The following GPSM1 variants were observed in gnomAD, a reference collection of about 807,000 sequenced individuals.
GPSM1 encodes the protein G protein-signaling modulator 1.
GPSM1 carries 48 observed loss-of-function variants against 70.5 expected under a neutral mutation model. The ratio of observed to expected loss-of-function variants is 0.68; its 90% CI spans 0.54 to 0.87. The LOEUF is 0.87. Ranked by LOEUF, GPSM1 falls within the 40% of genes least tolerant of loss-of-function variation. The pLI is 0.00. For synonymous variants in GPSM1, 416 were observed against 430.1 expected (o/e 0.97, Z 0.41); for missense variants, 981 against 972.6 (o/e 1.01, Z -0.11).
In GPSM1 at chr9:136,356,552, T is replaced by C; in HGVS notation, c.1821+2T>C. ...TTCAACATGCTCATCAAGTACCAGG[T>C]GGGCTGCGGCCCTGGGCGGGCGTGG... On this transcript the variant is annotated splice_donor_variant, in intron 13 of 13. Transcript: ENST00000440944. LOFTEE classifies it high-confidence loss of function. The C allele has an allele frequency of 6.2e-7, 1 of 1,608,064 alleles. No individual in the cohort carries two copies.
chr9:136,335,973 G>A lies in GPSM1; in HGVS notation c.298G>A (p.Gly100Ser), dbSNP rs782782900. ...CTCCTCCCTGCCATCCAGGACCATC[G>A]GTGACCGCATGGGGGAGGCCAAGGC... is the stretch of plus-strand genomic sequence containing the variant. ...KHDLLLARTI[G>S]DRMGEAKASG... The change falls in exon 3 of 14, where the codon GGT becomes AGT. Residue 100 changes from glycine (G) to serine (S), a missense_variant. Physicochemically the swap from Gly to Ser is moderately conservative, Grantham distance 56. Transcript: ENST00000440944. The A allele has an allele frequency of 8.7e-6, 14 of 1,612,260 alleles. No homozygotes were observed. Among genetic ancestry groups the A allele is most frequent in the East Asian group, 6.7e-5 (3 of 44,892 alleles).
Position 136,337,489 on chromosome 9 carries a change from C to T in GPSM1, c.627C>T (p.Gly209=). The T allele has an allele frequency of 1.9e-6, 3 of 1,565,854 alleles. No individual in the cohort carries two copies. The highest frequency in any genetic ancestry group is 1.7e-6 in the Non-Finnish European group (2 of 1,155,326). Residue 209 remains glycine (G), a synonymous_variant, in exon 5 of 14, where the codon GGC becomes GGT. Coordinates refer to ENST00000440944, the MANE Select transcript of GPSM1 (RefSeq NM_001145638.3). ...AGCTGGGCGACCGTGCGGCGCAGGG[C>T]AGGGCCTACGGCAACCTGGGCAACA... ...VKELGDRAAQ[G]RAYGNLGNTH...
chr9:136,348,755 C>T lies in GPSM1; in HGVS notation c.1266C>T (p.Leu422=). 4 of 1,610,986 alleles carry T rather than the reference C, an allele frequency of 2.5e-6. No homozygotes were observed. The highest frequency in any genetic ancestry group is 3.4e-6 in the Non-Finnish European group (4 of 1,178,524). ...LSAETWDLLR[L]PLEREQNGDS... ...CGGAGACCTGGGACCTGCTGAGACTCCCCCTGGAGCGGGTGAGCCAGGGAC... is the reference window on the plus strand; with the variant it reads ...CGGAGACCTGGGACCTGCTGAGACTTCCCCTGGAGCGGGTGAGCCAGGGAC... The change falls in exon 10 of 14, where the codon CTC becomes CTT. Residue 422 remains leucine, a synonymous_variant. Coordinates refer to ENST00000440944, the MANE Select transcript of GPSM1 (RefSeq NM_001145638.3).
intron 11 of GPSM1, among the ~76,000 whole-genome samples, chr9:136,354,141 T>C (rs955586596): frequency 6.6e-6 from 1 of 152,000 alleles, no homozygotes; most frequent in Admixed American, 6.5e-5. Context: ...GGGGACTGAC[T>C]CCAGGGGCCA....
chr9:136,337,242 G>A (rs1554769422), intron 4 of GPSM1, among the ~76,000 whole-genome samples, 170 bp downstream of exon 4: 2 of 152,220 alleles, frequency 1.3e-5, no homozygotes, highest in South Asian at 2.1e-4. Context: ...CCTCCCCTGA[G>A]CTTGCCCCTG....
chr9:136,357,757 C>T (rs1405465346), intron 13 of GPSM1, among the ~76,000 whole-genome samples: 1 of 152,248 alleles, frequency 6.6e-6, no homozygotes, highest in Non-Finnish European at 1.5e-5. Context: ...CAGTGGGAAT[C>T]GCTGGACCTG....
intron 1 of GPSM1, among the ~76,000 whole-genome samples, chr9:136,332,456 A>C (rs1050860320): frequency 3.3e-5 from 5 of 152,214 alleles, no homozygotes; most frequent in African/African-American, 1.2e-4. Context: ...CCATCATCAG[A>C]TCTGCGGAGC....
chr9:136,337,006 C>T lies in GPSM1; in HGVS notation c.512C>T (p.Thr171Met), dbSNP rs532206618. Reference protein sequence around the residue: ...KQLSWNAANATQDPGHLPPDV... With the variant: ...KQLSWNAANAMQDPGHLPPDV... ...CTGTCCTGGAACGCCGCAAACGCCACGCAGGACCCCGGGCACCTGCCGCCC... is the reference window on the plus strand; with the variant it reads ...CTGTCCTGGAACGCCGCAAACGCCATGCAGGACCCCGGGCACCTGCCGCCC... The change falls in exon 4 of 14, where the codon ACG becomes ATG. Residue 171 changes from threonine (T) to methionine (M), a missense_variant. Thr to Met is a moderately conservative substitution (Grantham distance 81, BLOSUM62 -1). Transcript: ENST00000440944. 9.7e-6 allele frequency: 15 copies of T among 1,552,678 alleles called. No homozygotes were observed. The highest frequency in any genetic ancestry group is 2.7e-5 in the African/African-American group (2 of 73,292).
rs964823342 is a variant in GPSM1, at chr9:136,343,229, C to T, written c.1207+2236C>T. 1.3e-5 allele frequency among the ~76,000 whole-genome samples: 2 copies of T among 152,288 alleles called. No individual in the cohort carries two copies. The highest frequency in any genetic ancestry group is 2.9e-5 in the Non-Finnish European group (2 of 68,016). Reference sequence around the variant, plus strand: ...CCTCCCTGGCCAGAGGGCACAGGCCCGGGCCTCCCACACTTGCTCCTGGGC... The same window carrying T: ...CCTCCCTGGCCAGAGGGCACAGGCCTGGGCCTCCCACACTTGCTCCTGGGC... On this transcript the variant is annotated intron_variant, in intron 9 of 13. Coordinates refer to ENST00000440944, the MANE Select transcript of GPSM1 (RefSeq NM_001145638.3). The surrounding 1 kb of genome is among the most constrained non-coding windows in gnomAD (Gnocchi z 6.0).
chr9:136,352,135 C>T (rs1462620381), intron 11 of GPSM1, among the ~76,000 whole-genome samples: 2 of 145,172 alleles, frequency 1.4e-5, no homozygotes, highest in Non-Finnish European at 3.1e-5. Context: ...CTGTTGGTGA[C>T]ACCAATGCTG....
In GPSM1 at chr9:136,341,020, T is replaced by G; in HGVS notation, c.1207+27T>G. ...TGAGTTCCAGGGTTGTGGGGGGGTC[T>G]TGCTCCCCACAGGCACGGACCGCAT... On this transcript the variant is annotated intron_variant, in intron 9 of 13. Transcript: ENST00000440944. The surrounding 1 kb of genome is among the most constrained non-coding windows in gnomAD (Gnocchi z 6.7). 2 of 1,561,574 alleles carry G rather than the reference T, an allele frequency of 1.3e-6. No homozygotes were observed. Among genetic ancestry groups the G allele is most frequent in the South Asian group, 1.2e-5 (1 of 84,956 alleles).
intron 11 of GPSM1, among the ~76,000 whole-genome samples, chr9:136,350,730 A>AAGC (rs1208912323): frequency 6.6e-6 from 1 of 152,208 alleles, no homozygotes. Context: ...ACAGCCCAGC[A>AAGC]AGCAGCAGCA....
chr9:136,341,368 G>T lies in GPSM1; in HGVS notation c.1207+375G>T. On this transcript the variant is annotated intron_variant, in intron 9 of 13. Transcript: ENST00000440944. The surrounding 1 kb of genome is among the most constrained non-coding windows in gnomAD (Gnocchi z 6.7). ...GGAGGCGAGAGGGCATCAGCCAGAG[G>T]GCTGGGCTGGGCTGGGCTGGGCTGG... 1 of 473,720 alleles carries T rather than the reference G, an allele frequency of 2.1e-6. No homozygotes were observed. Among genetic ancestry groups the T allele is most frequent in the Middle Eastern group, 6.1e-4 (1 of 1,628 alleles). The allele number at this position is 473,720 out of a possible 1,614,324, so 29.3% of individuals were successfully genotyped here.
chr9:136,349,031 C>A (rs1333028367), intron 10 of GPSM1, among the ~76,000 whole-genome samples: 1 of 152,260 alleles, frequency 6.6e-6, no homozygotes, highest in African/African-American at 2.4e-5. Flanking sequence ...TGCCACCACA[C>A]CCTCGGGAGC....
rs1564349546 is a variant in GPSM1 at position 136,344,153 on chromosome 9, TGCGGACAGGATCGGGGGGAGGC to T, written c.1207+3171_1207+3192del. ...GAGGTGCGGACAGGAACGGGGGAGG[TGCGGACAGGATCGGGGGGAGGC>T]GCGGACAGGAGCGGGGGGAGGCGCG... On this transcript the variant is annotated intron_variant, in intron 9 of 13. Coordinates refer to ENST00000440944, the MANE Select transcript of GPSM1 (RefSeq NM_001145638.3). 8.3e-5 allele frequency among the ~76,000 whole-genome samples: 6 copies of T among 72,210 alleles called. No individual in the cohort carries two copies. The South Asian group carries it at 1.7e-3, about 20-fold the overall frequency. The allele number at this position is 72,210 out of a possible 152,430, so 47.4% of individuals were successfully genotyped here.
chr9:136,341,326 G>T lies in GPSM1; in HGVS notation c.1207+333G>T. Reference sequence around the variant, plus strand: ...GGAGGGCTTCTGTCCTCAGACCCAAGTAGGAGAGGGCTGCTGGGAGGCGAG... The same window carrying T: ...GGAGGGCTTCTGTCCTCAGACCCAATTAGGAGAGGGCTGCTGGGAGGCGAG... On this transcript the variant is annotated intron_variant, in intron 9 of 13. Transcript: ENST00000440944. This position sits in a 1 kb window ranked among gnomAD's most constrained non-coding sequence, Gnocchi z 6.7. 6.9e-7 allele frequency: 1 copy of T among 1,440,546 alleles called. No homozygotes were observed. 89.2% of individuals were successfully genotyped at this position (1,440,546 alleles called of 1,614,324 possible). A position where few individuals can be genotyped will look rare whatever the true frequency, so the allele number is the denominator to read the frequency against.
intron 11 of GPSM1, among the ~76,000 whole-genome samples, chr9:136,354,002 G>A (rs1054978256): frequency 1.1e-4 from 17 of 152,190 alleles, no homozygotes; most frequent in Non-Finnish European, 1.8e-4. Context: ...ATCCGGGGGA[G>A]TGGGGGTGTT....
At chr9:136,352,807 C>T (rs982988373) in intron 11 of GPSM1, among the ~76,000 whole-genome samples, 28 of 152,376 alleles carry the variant, frequency 1.8e-4, no homozygotes, top group African/African-American at 6.0e-4. Flanking sequence ...AGGCTGTCTG[C>T]CCACACAGCC....
intron 9 of GPSM1, among the ~76,000 whole-genome samples, chr9:136,344,559 T>C (rs1389452810): frequency 1.3e-5 from 2 of 152,214 alleles, no homozygotes; most frequent in Admixed American, 6.5e-5. Context: ...CTTGTCATTA[T>C]GGGGCTCCAT....
Sources: gnomAD v4.1 joint callset for allele counts (sites outside exome capture counted in the v4.1 genomes callset) on GRCh38, gnomAD v4.1.1 for gene constraint, Gnocchi (gnomAD v3.1) non-coding constraint, MANE v1.5 for transcripts, NCBI Gene and HGNC (gene_info 2026-07-23, HGNC 2026-07-21) for gene names.